ZNF469: variants seen among roughly 807,000 people sequenced by gnomAD.
The protein encoded by ZNF469 is zinc finger protein 469.
In ZNF469, 1 loss-of-function variant was observed where a neutral mutation model predicts 1.0. The observed-to-expected ratio is 1.00, with a 90% CI of 0.35 to 4.73. The LOEUF (loss-of-function observed/expected upper bound fraction) is 4.73, where lower values mean the gene tolerates loss of function less well. Among genes scored for constraint, ZNF469 ranks in the 30% most tolerant of loss-of-function variants. The pLI is 0.16. For missense variants in ZNF469, 6,100 were observed against 5,356.3 expected (o/e 1.14, Z -4.33); for synonymous variants, 2,703 against 2,363.4 (o/e 1.14, Z -4.17).
chr16:88,309,355 C>T, the ZNF469 span, among the ~76,000 whole-genome samples: 75 of 151,900 alleles, frequency 4.9e-4, no homozygotes, highest in East Asian at 5.1e-3. Context: ...GGACACCTGA[C>T]GGGGGGAGTG....
chr16:88,215,638 C>T, the ZNF469 span, among the ~76,000 whole-genome samples: 1 of 152,022 alleles, frequency 6.6e-6, no homozygotes, highest in Admixed American at 6.5e-5. Flanking sequence ...GATCTGCCCA[C>T]CTCGGCCTCC....
Position 88,402,480 on chromosome 16 carries a change from G to C in ZNF469, c.-192+19226G>C, listed in dbSNP as rs1319654305. The stretch of plus-strand genomic sequence containing the variant: ...CAGTCTGGGGGCACCAGCTTGGGGA[G>C]AGGATGCTACCTGGGCCAAGTTGTG... On this transcript the variant is annotated intron_variant, in intron 1 of 2. Coordinates refer to ENST00000565624, the MANE Select transcript of ZNF469 (RefSeq NM_001367624.2). Among the ~76,000 whole-genome samples, 9 of 152,236 alleles carry C rather than the reference G, an allele frequency of 5.9e-5. No homozygotes were observed. In the East Asian group the frequency reaches 1.7e-3, roughly 29 times the overall value.
rs1325281078 is a variant in ZNF469 at position 88,436,198 on chromosome 16, A to G, written c.8728A>G (p.Thr2910Ala). ...CACGCTGGGCCCAGCCCGCCTGCCC[A>G]CGGACCTCAGCGACTCCAGCTCCCT... ...DPTLGPARLP[T>A]DLSDSSSLCL... is the part of the protein sequence containing the mutation. The change falls in exon 3 of 3, where the codon ACG (threonine) becomes GCG (alanine). Residue 2910 changes from threonine (T) to alanine (A), a missense_variant. Coordinates refer to ENST00000565624, the MANE Select transcript of ZNF469 (RefSeq NM_001367624.2). 2.6e-6 allele frequency: 4 copies of G among 1,548,078 alleles called. No individual in the cohort carries two copies. The Admixed American group carries it at 7.8e-5, about 30-fold the overall frequency.
chr16:88,317,837 A>G, the ZNF469 span, among the ~76,000 whole-genome samples: 3 of 152,140 alleles, frequency 2.0e-5, no homozygotes, highest in Non-Finnish European at 4.4e-5. Context: ...AGGATTCACC[A>G]TACTTCCTCC....
chr16:88,407,290 C>T (rs1004408826), intron 1 of ZNF469, among the ~76,000 whole-genome samples: 5 of 108,356 alleles, frequency 4.6e-5, no homozygotes, highest in Non-Finnish European at 1.0e-4. Flanking sequence ...CGTCCGGAAC[C>T]GTCGCCAGCA....
At chr16:88,220,907 G>A in the ZNF469 span, among the ~76,000 whole-genome samples, 2 of 152,166 alleles carry the variant, frequency 1.3e-5, no homozygotes, top group Non-Finnish European at 2.9e-5. Context: ...TGCTCTCCGG[G>A]TCTCAAATTG....
chr16:88,258,259 G>A, the ZNF469 span, among the ~76,000 whole-genome samples: 1 of 152,168 alleles, frequency 6.6e-6, no homozygotes, highest in African/African-American at 2.4e-5. Context: ...TCTAACTTTG[G>A]GGAAACATCA....
chr16:88,185,541 ACT>A, the ZNF469 span, among the ~76,000 whole-genome samples: 15,035 of 151,680 alleles, frequency 0.099, 762 homozygotes, highest in Middle Eastern at 0.15. Context: ...ACCCACACCC[ACT>A]CACATTCGCA....
chr16:88,430,533 G>A lies in ZNF469; in HGVS notation c.3063G>A (p.Glu1021=). The change falls in exon 3 of 3, where the codon GAG becomes GAA. Residue 1021 remains glutamate, a synonymous_variant. Transcript: ENST00000565624. ...RVPRAAALPE[E]TRSSRRRRLP... ...CGAGAGCCGCCGCCCTCCCCGAGGA[G>A]ACCCGCAGCTCCCGGCGCCGCCGGC... is the stretch of plus-strand genomic sequence containing the variant. 1 of 1,461,944 alleles carries A rather than the reference G, an allele frequency of 6.8e-7. No homozygotes were observed. Among genetic ancestry groups the A allele is most frequent in the Admixed American group, 2.5e-5 (1 of 39,490 alleles). The allele number at this position is 1,461,944 out of a possible 1,614,324, so 90.6% of individuals were successfully genotyped here.
the ZNF469 span, among the ~76,000 whole-genome samples, chr16:88,368,599 A>G: frequency 6.6e-6 from 1 of 151,516 alleles, no homozygotes; most frequent in Non-Finnish European, 1.5e-5. Context: ...CTGGAGAAAG[A>G]GTCGCCTGGG....
chr16:88,309,453 C>T, the ZNF469 span, among the ~76,000 whole-genome samples: 518 of 115,756 alleles, frequency 4.5e-3, no homozygotes, highest in African/African-American at 0.016. Context: ...ACACCTGACG[C>T]GGGGAGTACC....
chr16:88,187,256 G>A, the ZNF469 span, among the ~76,000 whole-genome samples: 172 of 152,356 alleles, frequency 1.1e-3, 3 homozygotes, highest in South Asian at 0.031. Flanking sequence ...CTCCAAGCTA[G>A]GCCTCCCAGG....
rs557997233 is a variant in ZNF469, at chr16:88,431,686, G to A, written c.4216G>A (p.Asp1406Asn). Residue 1406 changes from aspartate to asparagine, a missense_variant, in exon 3 of 3, where the codon GAT (aspartate) becomes AAT (asparagine). Transcript: ENST00000565624. ...EELHPKPSAR[D>N]APPASSSCLC... Reference sequence around the variant, plus strand: ...ACTGCACCCCAAGCCCTCAGCCAGGGATGCCCCGCCGGCCAGCAGCTCCTG... The same window carrying A: ...ACTGCACCCCAAGCCCTCAGCCAGGAATGCCCCGCCGGCCAGCAGCTCCTG... 2.6e-6 allele frequency: 4 copies of A among 1,550,430 alleles called. No homozygotes were observed. The highest frequency in any genetic ancestry group is 4.9e-5 in the East Asian group (2 of 40,922).
At chr16:88,115,140 G>A in the ZNF469 span, among the ~76,000 whole-genome samples, 5 of 152,260 alleles carry the variant, frequency 3.3e-5, no homozygotes, top group East Asian at 3.9e-4. Context: ...CGGGCTCTGC[G>A]CATTCAGGGT....
At chr16:88,157,570 G>C in the ZNF469 span, among the ~76,000 whole-genome samples, 1 of 151,896 alleles carries the variant, frequency 6.6e-6, no homozygotes, top group African/African-American at 2.4e-5. Context: ...CCCCTCCCAA[G>C]GCCCCCAAAC....
At chr16:88,108,812 G>T in the ZNF469 span, among the ~76,000 whole-genome samples, 1 of 152,222 alleles carries the variant, frequency 6.6e-6, no homozygotes, top group African/African-American at 2.4e-5. Context: ...TGCTCCAGGG[G>T]AGTCCAGTGC....
chr16:88,320,585 C>T, the ZNF469 span, among the ~76,000 whole-genome samples: 1,405 of 152,202 alleles, frequency 9.2e-3, 18 homozygotes, highest in African/African-American at 0.032. Context: ...GGTTTTACTA[C>T]GTTGGCCAGG....
chr16:88,411,489 C>T (rs112940864), intron 1 of ZNF469, among the ~76,000 whole-genome samples: 251 of 6,338 alleles, frequency 0.04, no homozygotes, highest in African/African-American at 0.057. Context: ...GGCAGGGGTG[C>T]GAGCGGGCAG....
the ZNF469 span, among the ~76,000 whole-genome samples, chr16:88,175,934 A>G: frequency 2.6e-5 from 4 of 152,240 alleles, no homozygotes; most frequent in African/African-American, 9.6e-5. Context: ...TCTAGGAATT[A>G]TCCTACCTTA....
Sources: allele counts gnomAD v4.1 joint callset (sites outside exome capture counted in the v4.1 genomes callset), GRCh38; gene constraint gnomAD v4.1.1; transcripts MANE v1.5; gene names NCBI Gene and HGNC (gene_info 2026-07-23, HGNC 2026-07-21).